The following DIP2C variants were observed in gnomAD, a reference collection of about 807,000 sequenced individuals.
The protein encoded by DIP2C is DIP2 acetate--CoA ligase C (putative), also known as disco-interacting protein 2 homolog C.
In DIP2C, 33 loss-of-function variants were observed where a neutral mutation model predicts 192.4. The ratio of observed to expected loss-of-function variants is 0.17; its 90% CI spans 0.13 to 0.23. DIP2C has a LOEUF of 0.23. Among genes scored for constraint, DIP2C ranks in the 10% least tolerant of loss-of-function variants. DIP2C has a pLI of 1.00. For missense variants in DIP2C, 1,537 were observed against 2,110.1 expected (o/e 0.73, Z 5.32); for synonymous variants, 979 against 864.1 (o/e 1.13, Z -2.33).
At chr10:338,752 C>G (rs1024216633) in intron 29 of DIP2C, among the ~76,000 whole-genome samples, 12 of 152,282 alleles carry the variant, frequency 7.9e-5, no homozygotes, top group African/African-American at 2.2e-4. Context: ...GACTCCCCCA[C>G]GCTGCACCCT....
chr10:491,431 C>T (rs1447176213), intron 1 of DIP2C, among the ~76,000 whole-genome samples: 1 of 152,214 alleles, frequency 6.6e-6, no homozygotes, highest in Admixed American at 6.5e-5. Flanking sequence ...CAGGAGGCCC[C>T]GGAAGGCAAG....
At chr10:540,426 C>A (rs1847915719) in intron 1 of DIP2C, among the ~76,000 whole-genome samples, 2 of 152,252 alleles carry the variant, frequency 1.3e-5, no homozygotes, top group African/African-American at 4.8e-5. Context: ...TCAATAGTTC[C>A]TTTACACTGG....
chr10:415,829 G>A lies in DIP2C; in HGVS notation c.799C>T (p.Arg267Ter). Residue 267 changes from arginine to a stop codon, truncating the protein, a stop_gained, in exon 7 of 37, where the codon CGA becomes TGA. Coordinates refer to ENST00000280886, the MANE Select transcript of DIP2C (RefSeq NM_014974.3). LOFTEE classifies it high-confidence loss of function. ...TCTCGTAAAGGTGGTCGTTTCGGTCGTTTGAGGGTATTGACAAGCTGCTGG... is the reference window on the plus strand; with the variant it reads ...TCTCGTAAAGGTGGTCGTTTCGGTCATTTGAGGGTATTGACAAGCTGCTGG... ...KIQQLVNTLK[R>*]PKRPPLREFF... 6.2e-7 allele frequency: 1 copy of A among 1,613,898 alleles called. No homozygotes were observed. Among genetic ancestry groups the A allele is most frequent in the Non-Finnish European group, 8.5e-7 (1 of 1,179,994 alleles).
At chr10:638,696 CTT>C (rs1854968644) in intron 1 of DIP2C, among the ~76,000 whole-genome samples, 1 of 152,204 alleles carries the variant, frequency 6.6e-6, no homozygotes, top group African/African-American at 2.4e-5. Context: ...TGGTGACAAA[CTT>C]AATGCAGAGA....
intron 8 of DIP2C, among the ~76,000 whole-genome samples, chr10:410,348 A>T (rs1271834309): frequency 6.6e-6 from 1 of 152,222 alleles, no homozygotes; most frequent in Non-Finnish European, 1.5e-5. Context: ...CATATTCTTG[A>T]GCACTTAATT....
intron 29 of DIP2C, among the ~76,000 whole-genome samples, chr10:337,073 TTGTGGAGGCCTAGACTG>T (rs1957836050): frequency 1.3e-3 from 95 of 71,318 alleles, no homozygotes; most frequent in Non-Finnish European, 1.4e-3. Context: ...TGTGTGTGTG[TTGTGGAGGCCTAGACTG>T]GTGTGTGTGT....
chr10:303,494 A>G (rs1015547932), intron 32 of DIP2C, among the ~76,000 whole-genome samples: 1 of 152,104 alleles, frequency 6.6e-6, no homozygotes, highest in Admixed American at 6.5e-5. Context: ...TTATCTTTAT[A>G]TCAAGTTTTC....
At position 414,886 on chromosome 10, in the gene DIP2C, G is replaced by A. The variant is rs868401310; in HGVS notation, c.860-776C>T. Among the ~76,000 whole-genome samples, 37 of 61,316 alleles carry A rather than the reference G, an allele frequency of 6.0e-4. 1 individual carries two copies. Among genetic ancestry groups the A allele is most frequent in the Middle Eastern group, 9.1e-3 (1 of 110 alleles). 40.2% of individuals were successfully genotyped at this position (61,316 alleles called of 152,430 possible). On this transcript the variant is annotated intron_variant, in intron 7 of 36. Coordinates refer to ENST00000280886, the MANE Select transcript of DIP2C (RefSeq NM_014974.3). The stretch of plus-strand genomic sequence containing the variant: ...TGTGTGTGTGTGTGTGTGTGTGTGT[G>A]TGTGTATATATATATATATATTTTT...
intron 17 of DIP2C, among the ~76,000 whole-genome samples, chr10:380,655 G>A (rs1184054762): frequency 1.3e-5 from 2 of 152,200 alleles, no homozygotes; most frequent in African/African-American, 4.8e-5. Context: ...AAAACATAAG[G>A]AGTAAATAAA....
chr10:670,855 GTAAT>G (rs1338554161), intron 1 of DIP2C, among the ~76,000 whole-genome samples: 1 of 152,148 alleles, frequency 6.6e-6, no homozygotes, highest in Non-Finnish European at 1.5e-5. Context: ...GTAATGGCTG[GTAAT>G]TAATTGTTAT....
chr10:414,236 G>C, intron 7 of DIP2C, 126 bp from the exon 8 acceptor site: 1 of 1,185,104 alleles, frequency 8.4e-7, no homozygotes, highest in South Asian at 1.6e-5. Flanking sequence ...TGACAGAAAA[G>C]CATGCTTTTC....
intron 1 of DIP2C, among the ~76,000 whole-genome samples, chr10:671,129 G>C (rs909602400): frequency 1.3e-5 from 2 of 152,238 alleles, no homozygotes; most frequent in Admixed American, 6.5e-5. Context: ...GCGGCTCCCC[G>C]AGCGTGTGTC....
intron 32 of DIP2C, among the ~76,000 whole-genome samples, chr10:301,163 C>T (rs1956027095): frequency 6.6e-6 from 1 of 152,154 alleles, no homozygotes; most frequent in Admixed American, 6.5e-5. Flanking sequence ...CTTTGTCTCT[C>T]ATGAGCCAGC....
chr10:679,829 A>G (rs538482581), intron 1 of DIP2C, among the ~76,000 whole-genome samples: 12 of 152,144 alleles, frequency 7.9e-5, no homozygotes, highest in Non-Finnish European at 1.3e-4. Context: ...TCCCTTCCAC[A>G]GATTTCCTCT....
rs375962061 is a variant in DIP2C at position 572,249 on chromosome 10, A to T, written c.86-85719T>A. Among the ~76,000 whole-genome samples the T allele has an allele frequency of 1.4e-4, 21 of 152,346 alleles. No homozygotes were observed. The South Asian group carries it at 4.1e-3, about 30-fold the overall frequency. Reference sequence around the variant, plus strand: ...TGGCATGTGTGCAGCAAGCTTTGCTAACACGCCCCAAACATCTCACTCATA... The same window carrying T: ...TGGCATGTGTGCAGCAAGCTTTGCTTACACGCCCCAAACATCTCACTCATA... On this transcript the variant is annotated intron_variant, in intron 1 of 36. Transcript: ENST00000280886.
intron 1 of DIP2C, among the ~76,000 whole-genome samples, chr10:638,426 ACT>A: frequency 6.6e-6 from 1 of 152,318 alleles, no homozygotes; most frequent in East Asian, 1.9e-4. Context: ...GCTTCAGTTG[ACT>A]CAAAAAATGG....
chr10:641,957 A>G (rs7919597), intron 1 of DIP2C, among the ~76,000 whole-genome samples: 18,326 of 152,032 alleles, frequency 0.12, 2,299 homozygotes, highest in African/African-American at 0.32. Context: ...CAGGAGGCAG[A>G]GGTTGCAGGG....
At chr10:350,372 A>C (rs1190947955) in intron 24 of DIP2C, among the ~76,000 whole-genome samples, 1 of 152,190 alleles carries the variant, frequency 6.6e-6, no homozygotes, top group Non-Finnish European at 1.5e-5. Context: ...AATGTGAATA[A>C]ATTACAAATT....
chr10:297,732 C>CGTTCCAGT (rs1251839289), intron 32 of DIP2C, among the ~76,000 whole-genome samples: 1 of 152,092 alleles, frequency 6.6e-6, no homozygotes, highest in Non-Finnish European at 1.5e-5. Flanking sequence ...GGGAAGAATA[C>CGTTCCAGT]GTTCCAGTGT....
Sources: allele counts gnomAD v4.1 joint callset (sites outside exome capture counted in the v4.1 genomes callset), GRCh38; gene constraint gnomAD v4.1.1; transcripts MANE v1.5; gene names NCBI Gene and HGNC (gene_info 2026-07-23, HGNC 2026-07-21).